The following SCFD2 variants were observed in gnomAD, a reference collection of about 807,000 sequenced individuals.
The protein encoded by SCFD2 is sec1 family domain containing 2.
A neutral mutation model predicts 58.9 loss-of-function variants in SCFD2; 54 were observed. The ratio of observed to expected loss-of-function variants is 0.92; its 90% CI spans 0.74 to 1.15. The LOEUF is 1.15. Ranked by LOEUF, SCFD2 falls within the 50% of genes most tolerant of loss-of-function variation. The probability of loss-of-function intolerance (pLI) is 0.00; values close to 1 mark genes in which losing one functional copy is unlikely to be tolerated. For missense variants in SCFD2, 805 were observed against 836.6 expected, an observed-to-expected ratio of 0.96 and a Z score of 0.47; for synonymous variants, 321 against 335.9, an observed-to-expected ratio of 0.96 and a Z score of 0.49.
At chr4:53,045,238 T>A (rs1723010077) in intron 5 of SCFD2, among the ~76,000 whole-genome samples, 1 of 152,210 alleles carries the variant, frequency 6.6e-6, no homozygotes, top group Non-Finnish European at 1.5e-5. Context: ...TTTGATTGCA[T>A]ACACTCTACT....
chr4:52,927,761 G>A (rs1304120591), intron 5 of SCFD2, among the ~76,000 whole-genome samples: 1 of 152,236 alleles, frequency 6.6e-6, no homozygotes, highest in Non-Finnish European at 1.5e-5. Flanking sequence ...AATAGCCTTA[G>A]AACTGTGATT....
At chr4:53,040,244 T>A (rs541296570) in intron 5 of SCFD2, among the ~76,000 whole-genome samples, 1 of 152,300 alleles carries the variant, frequency 6.6e-6, no homozygotes, top group South Asian at 2.1e-4. Flanking sequence ...TATATCTTTA[T>A]CTGAGACCAT....
chr4:53,365,394 T>G lies in SCFD2; in HGVS notation c.548A>C (p.Asp183Ala). The G allele has an allele frequency of 6.2e-7, 1 of 1,614,098 alleles. No individual in the cohort carries two copies. Among genetic ancestry groups the G allele is most frequent in the Admixed American group, 1.7e-5 (1 of 60,008 alleles). ...TCGGGCGCTATTAAGGAGGTGCACATCCTGGGGTAGCAGTGGGAAAAGGGA... is the reference window on the plus strand; with the variant it reads ...TCGGGCGCTATTAAGGAGGTGCACAGCCTGGGGTAGCAGTGGGAAAAGGGA... ...FASLFPLLPQ[D>A]VHLLNSARPD... The change falls in exon 1 of 9, where the codon GAT becomes GCT. Residue 183 changes from aspartate to alanine, a missense_variant. Physicochemically the swap from Asp to Ala is moderately radical, Grantham distance 126 (BLOSUM62 -2). Coordinates refer to ENST00000401642, the MANE Select transcript of SCFD2 (RefSeq NM_152540.4). This position sits in a 1 kb window ranked among gnomAD's most constrained non-coding sequence, Gnocchi z 4.3.
At chr4:53,290,972 G>A (rs1731820641) in intron 3 of SCFD2, among the ~76,000 whole-genome samples, 1 of 152,004 alleles carries the variant, frequency 6.6e-6, no homozygotes, top group South Asian at 2.1e-4. Context: ...TTCCAACAAA[G>A]AAAAGCCCAG....
chr4:52,963,352 C>T (rs1459322522), intron 5 of SCFD2, among the ~76,000 whole-genome samples: 4 of 152,206 alleles, frequency 2.6e-5, no homozygotes, highest in African/African-American at 9.6e-5. Context: ...GGGTCACTCA[C>T]CCTACTGCTT....
At chr4:53,330,493 C>A (rs1733410573) in intron 2 of SCFD2, among the ~76,000 whole-genome samples, 2 of 152,102 alleles carry the variant, frequency 1.3e-5, no homozygotes, top group African/African-American at 2.4e-5. Flanking sequence ...TCCAGCCAAA[C>A]TAAGCTTCAG....
At chr4:52,888,736 T>C (rs1472611884) in intron 7 of SCFD2, among the ~76,000 whole-genome samples, 1 of 152,200 alleles carries the variant, frequency 6.6e-6, no homozygotes, top group Non-Finnish European at 1.5e-5. Context: ...CCCATTTAAA[T>C]GTTGTTACTT....
At chr4:53,076,819 C>T (rs1723991099) in intron 5 of SCFD2, among the ~76,000 whole-genome samples, 1 of 152,206 alleles carries the variant, frequency 6.6e-6, no homozygotes, top group South Asian at 2.1e-4. Flanking sequence ...GCTGCTTCCC[C>T]TTCCCTCTTC....
At chr4:53,312,322 T>C (rs1479961214) in intron 3 of SCFD2, among the ~76,000 whole-genome samples, 1 of 152,216 alleles carries the variant, frequency 6.6e-6, no homozygotes, top group Non-Finnish European at 1.5e-5. Context: ...GCATATTACG[T>C]GGCATCAAAA....
At chr4:53,227,382 A>G (rs1729252242) in intron 4 of SCFD2, among the ~76,000 whole-genome samples, 1 of 152,186 alleles carries the variant, frequency 6.6e-6, no homozygotes, top group Non-Finnish European at 1.5e-5. Context: ...AATGTTCACA[A>G]AGAAATTTAG....
At chr4:53,060,290 T>C (rs1192319422) in intron 5 of SCFD2, among the ~76,000 whole-genome samples, 1 of 151,648 alleles carries the variant, frequency 6.6e-6, no homozygotes, top group Non-Finnish European at 1.5e-5. Context: ...ATCACGAAGG[T>C]AACTGGGCTG....
At chr4:53,054,644 GTTT>G (rs5858204) in intron 5 of SCFD2, among the ~76,000 whole-genome samples, 1 of 147,766 alleles carries the variant, frequency 6.8e-6, no homozygotes, top group South Asian at 2.2e-4. Flanking sequence ...AAAAAAAAGA[GTTT>G]TTTTTTTGTT....
intron 7 of SCFD2, 117 bp downstream of exon 7, chr4:52,907,340 C>T: frequency 9.7e-7 from 1 of 1,029,776 alleles, no homozygotes; most frequent in Non-Finnish European, 1.5e-6. Flanking sequence ...TTAGAAGAGC[C>T]AAAATACCAA....
intron 4 of SCFD2, among the ~76,000 whole-genome samples, chr4:53,209,274 C>G (rs764707375): frequency 6.6e-6 from 1 of 152,114 alleles, no homozygotes; most frequent in Non-Finnish European, 1.5e-5. Flanking sequence ...CTTGATAAAG[C>G]TAAATACAAT....
At chr4:52,905,328 G>A (rs1427185407) in intron 7 of SCFD2, among the ~76,000 whole-genome samples, 1 of 152,210 alleles carries the variant, frequency 6.6e-6, no homozygotes, top group African/African-American at 2.4e-5. Context: ...TACGCCAGAG[G>A]TAACTCTTTG....
chr4:53,034,366 C>A (rs1377884551), intron 5 of SCFD2, among the ~76,000 whole-genome samples: 1 of 152,158 alleles, frequency 6.6e-6, no homozygotes, highest in Non-Finnish European at 1.5e-5. Flanking sequence ...CAACCAATAT[C>A]ATACTGAATG....
chr4:53,132,321 GTGATTTTGGCAGACATATGT>G (rs1405474315), intron 5 of SCFD2, among the ~76,000 whole-genome samples: 1 of 152,230 alleles, frequency 6.6e-6, no homozygotes, highest in African/African-American at 2.4e-5. Flanking sequence ...TCTCCTGGGA[GTGATTTTGGCAGACATATGT>G]TCTTCGTCAG....
intron 5 of SCFD2, among the ~76,000 whole-genome samples, chr4:53,106,285 A>C (rs1450342938): frequency 1.3e-5 from 2 of 152,374 alleles, no homozygotes; most frequent in South Asian, 2.1e-4. Context: ...AAAAAGGCTG[A>C]AAATTCCAAA....
chr4:53,301,347 T>A (rs920866753), intron 3 of SCFD2, among the ~76,000 whole-genome samples: 19 of 152,152 alleles, frequency 1.2e-4, no homozygotes, highest in African/African-American at 4.3e-4. Flanking sequence ...CTAGAAAATC[T>A]AGAAGAAATG....
Sources: allele counts gnomAD v4.1 joint callset (sites outside exome capture counted in the v4.1 genomes callset), GRCh38; gene constraint gnomAD v4.1.1; non-coding constraint Gnocchi (gnomAD v3.1); transcripts MANE v1.5; gene names NCBI Gene and HGNC (gene_info 2026-07-23, HGNC 2026-07-21).